The following LRCH1 variants were observed in gnomAD, a reference collection of about 807,000 sequenced individuals.
The protein encoded by LRCH1 is leucine rich repeats and calponin homology domain containing 1.
LRCH1 carries 23 observed loss-of-function variants against 94.9 expected under a neutral mutation model. That is an observed-to-expected ratio of 0.24 (90% CI 0.17 to 0.34). The LOEUF is 0.34. Among genes scored for constraint, LRCH1 ranks in the 10% least tolerant of loss-of-function variants. The pLI, the probability that LRCH1 is intolerant of heterozygous loss-of-function variation, is 1.00. For missense variants in LRCH1, 790 were observed against 945.9 expected (o/e 0.84, Z 2.16); for synonymous variants, 364 against 354.9 (o/e 1.03, Z -0.29).
At chr13:46,608,765 T>C (rs2050715045) in intron 1 of LRCH1, among the ~76,000 whole-genome samples, 1 of 152,222 alleles carries the variant, frequency 6.6e-6, no homozygotes, top group African/African-American at 2.4e-5. Context: ...CTGATTTTGG[T>C]ATAATGTAGT....
chr13:46,679,743 G>A (rs918955050), intron 3 of LRCH1: 1 of 152,298 alleles, frequency 6.6e-6, no homozygotes. Context: ...CAGCTGTACA[G>A]AGAAGCTTGG....
At chr13:46,694,577 T>C (rs1871075030) in intron 8 of LRCH1, among the ~76,000 whole-genome samples, 1 of 152,204 alleles carries the variant, frequency 6.6e-6, no homozygotes, top group Non-Finnish European at 1.5e-5. Context: ...TAGTAACATA[T>C]TACTGAGGGC....
chr13:46,666,945 G>A (rs374150838), intron 2 of LRCH1, among the ~76,000 whole-genome samples: 243 of 152,218 alleles, frequency 1.6e-3, no homozygotes, highest in African/African-American at 5.4e-3. Flanking sequence ...CCCTTCCACC[G>A]TCCCCAGAGA....
Position 46,669,176 on chromosome 13 carries a change from G to A in LRCH1, c.579+20G>A, listed in dbSNP as rs112336420. On this transcript the variant is annotated intron_variant, in intron 3 of 19. Transcript: ENST00000389797. Reference sequence around the variant, plus strand: ...GAGCTGGTATGTTACCGATTTTTAAGATGCTCTTTTTTGTTGGTTGACTGA... The same window carrying A: ...GAGCTGGTATGTTACCGATTTTTAAAATGCTCTTTTTTGTTGGTTGACTGA... 1.4e-3 allele frequency: 2,221 copies of A among 1,611,684 alleles called. 26 individuals are homozygous for A. The African/African-American group carries it at 0.024, about 18-fold the overall frequency.
chr13:46,616,322 G>A (rs558436395), intron 1 of LRCH1, among the ~76,000 whole-genome samples: 9 of 152,162 alleles, frequency 5.9e-5, no homozygotes, highest in Admixed American at 5.9e-4. Context: ...TTTATGCTAC[G>A]GCGCCATAAA....
chr13:46,683,518 C>A (rs192166085), intron 4 of LRCH1, among the ~76,000 whole-genome samples: 44 of 152,298 alleles, frequency 2.9e-4, no homozygotes, highest in Admixed American at 1.8e-3. Flanking sequence ...TTATTAACAG[C>A]AAATTTATAT....
chr13:46,705,584 G>A (rs1376160380), intron 13 of LRCH1: 2 of 569,396 alleles, frequency 3.5e-6, no homozygotes, highest in Non-Finnish European at 3.2e-6. Context: ...TCAAGCGATG[G>A]CAACTAAAAT....
chr13:46,672,622 G>C (rs2051615717), intron 3 of LRCH1, among the ~76,000 whole-genome samples: 1 of 152,170 alleles, frequency 6.6e-6, no homozygotes, highest in Non-Finnish European at 1.5e-5. Flanking sequence ...GTTGTCTCCA[G>C]CGTCAGGACA....
chr13:46,560,552 G>A (rs1475946958), intron 1 of LRCH1, among the ~76,000 whole-genome samples: 4 of 152,124 alleles, frequency 2.6e-5, no homozygotes, highest in African/African-American at 4.8e-5. Flanking sequence ...TATTATAAAC[G>A]TGTTAAGGAT....
At chr13:46,741,276 G>A (rs1873639064) in intron 19 of LRCH1, among the ~76,000 whole-genome samples, 1 of 152,182 alleles carries the variant, frequency 6.6e-6, no homozygotes, top group South Asian at 2.1e-4. Flanking sequence ...CATTTAGTAA[G>A]GTTAAGTTGA....
rs1389425649 is a variant in LRCH1, at chr13:46,573,070, T to C, written c.307+19367T>C. Reference sequence around the variant, plus strand: ...TGAAAATGCAAGGAGTGCAGAGCAATGCCTGGCATCTGAGAGACATTCAAT... The same window carrying C: ...TGAAAATGCAAGGAGTGCAGAGCAACGCCTGGCATCTGAGAGACATTCAAT... On this transcript the variant is annotated intron_variant, in intron 1 of 19. Coordinates refer to ENST00000389797, the MANE Select transcript of LRCH1 (RefSeq NM_001164211.2). 2.0e-5 allele frequency among the ~76,000 whole-genome samples: 3 copies of C among 152,230 alleles called. 1 individual carries two copies. Among genetic ancestry groups the C allele is most frequent in the Admixed American group, 2.0e-4 (3 of 15,284 alleles).
intron 9 of LRCH1, among the ~76,000 whole-genome samples, chr13:46,697,777 A>G (rs2138173912): frequency 6.6e-6 from 1 of 152,326 alleles, no homozygotes; most frequent in Non-Finnish European, 1.5e-5. Context: ...ATGTTGGTGA[A>G]TAGGCAAATT....
intron 15 of LRCH1, among the ~76,000 whole-genome samples, chr13:46,715,150 G>T (rs77307108): frequency 1.3e-5 from 2 of 152,006 alleles, no homozygotes; most frequent in Non-Finnish European, 2.9e-5. Context: ...CAATTTTTTT[G>T]TGTGTGAATC....
chr13:46,742,351 C>A lies in LRCH1; in HGVS notation c.*503C>A. ...ACATTTTGGCCCAACTTGATCTATA[C>A]AAAACTTTAATAATACCACTACTGA... On this transcript the variant is annotated 3_prime_UTR_variant, in exon 20 of 20. Coordinates refer to ENST00000389797, the MANE Select transcript of LRCH1 (RefSeq NM_001164211.2). The A allele has an allele frequency of 1.0e-6, 1 of 998,580 alleles. No homozygotes were observed. The highest frequency in any genetic ancestry group is 1.2e-6 in the Non-Finnish European group (1 of 837,342). The allele number at this position is 998,580 out of a possible 1,614,324, so 61.9% of individuals were successfully genotyped here. A position where few individuals can be genotyped will look rare whatever the true frequency, so the allele number is the denominator to read the frequency against.
intron 10 of LRCH1, 56 bp downstream of exon 10, chr13:46,699,459 A>T: frequency 6.8e-7 from 1 of 1,461,242 alleles, no homozygotes; most frequent in Non-Finnish European, 9.6e-7. Context: ...CTTTGCAAGC[A>T]GTCTGGCAGT....
chr13:46,633,921 C>T (rs1217120505), intron 1 of LRCH1, among the ~76,000 whole-genome samples: 6 of 149,574 alleles, frequency 4.0e-5, no homozygotes, highest in African/African-American at 1.5e-4. Flanking sequence ...CGCTCTGTCG[C>T]CCGGCTGGAG....
At chr13:46,601,901 T>A (rs2050633027) in intron 1 of LRCH1, among the ~76,000 whole-genome samples, 1 of 152,244 alleles carries the variant, frequency 6.6e-6, no homozygotes, top group African/African-American at 2.4e-5. Context: ...AGCTGCTTTC[T>A]CTTTATTAGG....
At chr13:46,678,086 G>A (rs540013937) in intron 3 of LRCH1, among the ~76,000 whole-genome samples, 3 of 152,254 alleles carry the variant, frequency 2.0e-5, no homozygotes, top group Admixed American at 1.3e-4. Context: ...CGAAGTTGAG[G>A]CATTAGTGTT....
At chr13:46,705,462 G>A (rs1250668485) in intron 13 of LRCH1, 158 bp downstream of exon 13, 9 of 775,068 alleles carry the variant, frequency 1.2e-5, no homozygotes, top group East Asian at 2.5e-5. Context: ...TTGTTTATAC[G>A]TTTGCCTCTT....
Sources: allele counts gnomAD v4.1 joint callset (sites outside exome capture counted in the v4.1 genomes callset), GRCh38; gene constraint gnomAD v4.1.1; transcripts MANE v1.5; gene names NCBI Gene and HGNC (gene_info 2026-07-23, HGNC 2026-07-21).